KIF6: variants seen among roughly 807,000 people sequenced by gnomAD.
KIF6 encodes kinesin-like protein KIF6.
In KIF6, 106 loss-of-function variants were observed where a neutral mutation model predicts 112.7. The ratio of observed to expected loss-of-function variants is 0.94; its 90% CI spans 0.80 to 1.11. KIF6 has a LOEUF of 1.11. KIF6 is among the 50% of genes least tolerant of loss of function. The pLI, the probability that KIF6 is intolerant of heterozygous loss-of-function variation, is 0.00. For synonymous variants in KIF6, 339 were observed against 339.9 expected, an observed-to-expected ratio of 1.00 and a Z score of 0.03; for missense variants, 929 against 964.0, an observed-to-expected ratio of 0.96 and a Z score of 0.48.
chr6:39,434,942 C>G (rs934279236), intron 13 of KIF6, among the ~76,000 whole-genome samples: 1 of 152,182 alleles, frequency 6.6e-6, no homozygotes, highest in Non-Finnish European at 1.5e-5. Context: ...CTTATATACT[C>G]TATACCAAGG....
intron 13 of KIF6, among the ~76,000 whole-genome samples, chr6:39,446,135 G>A (rs534785859): frequency 6.6e-6 from 1 of 152,172 alleles, no homozygotes; most frequent in African/African-American, 2.4e-5. Context: ...TGCTGGTTTC[G>A]ACTACTAGCT....
intron 3 of KIF6, 67 bp from the exon 4 acceptor site, chr6:39,639,824 T>C (rs1582337833): frequency 1.5e-6 from 2 of 1,374,802 alleles, no homozygotes; most frequent in East Asian, 4.9e-5. Context: ...AAATGGCTTG[T>C]ATTCTAATAA....
intron 6 of KIF6, among the ~76,000 whole-genome samples, chr6:39,612,402 T>A (rs1783264766): frequency 6.6e-6 from 1 of 151,840 alleles, no homozygotes; most frequent in Non-Finnish European, 1.5e-5. Flanking sequence ...ACCACCACCA[T>A]CCCATTCCCT....
At position 39,511,953 on chromosome 6, in the gene KIF6, G is replaced by A. The variant is rs1018502498; in HGVS notation, c.1645+28050C>T. The stretch of plus-strand genomic sequence containing the variant: ...ACACCCAGGCCTGTTGAGGGGTGGG[G>A]GACTGGGGGAGAGATAGCATTAGGA... On this transcript the variant is annotated intron_variant, in intron 13 of 22. Transcript: ENST00000287152. Among the ~76,000 whole-genome samples the A allele has an allele frequency of 2.6e-5, 4 of 152,170 alleles. No homozygotes were observed. The East Asian group carries it at 7.7e-4, about 29-fold the overall frequency.
chr6:39,532,640 A>C (rs540504143), intron 13 of KIF6, among the ~76,000 whole-genome samples: 1 of 152,320 alleles, frequency 6.6e-6, no homozygotes, highest in East Asian at 1.9e-4. Flanking sequence ...TTAAGAGATA[A>C]AGAATTGTAA....
At chr6:39,404,950 T>C (rs1398242793) in intron 15 of KIF6, among the ~76,000 whole-genome samples, 1 of 150,976 alleles carries the variant, frequency 6.6e-6, no homozygotes, top group Admixed American at 6.6e-5. Flanking sequence ...AAATTATATA[T>C]TAGCATTTAA....
chr6:39,479,055 G>C (rs184472857), intron 13 of KIF6, among the ~76,000 whole-genome samples: 2 of 151,976 alleles, frequency 1.3e-5, no homozygotes, highest in Middle Eastern at 3.2e-3. Context: ...TGTGTTGTCC[G>C]TTTACTCTGT....
At chr6:39,418,805 C>T (rs1055936868) in intron 15 of KIF6, among the ~76,000 whole-genome samples, 8 of 152,038 alleles carry the variant, frequency 5.3e-5, no homozygotes, top group Admixed American at 4.6e-4. Flanking sequence ...CTGAGGCTAT[C>T]GTGATTTTTA....
intron 3 of KIF6, among the ~76,000 whole-genome samples, chr6:39,646,698 AT>A (rs1380981164): frequency 6.6e-6 from 1 of 152,228 alleles, no homozygotes; most frequent in African/African-American, 2.4e-5. Flanking sequence ...CTAAGGACAA[AT>A]TTTTTAAGCT....
At chr6:39,606,860 G>C (rs979865987) in intron 6 of KIF6, among the ~76,000 whole-genome samples, 14 of 152,116 alleles carry the variant, frequency 9.2e-5, no homozygotes, top group African/African-American at 3.4e-4. Context: ...AAAGATCATT[G>C]GATTTGCATT....
intron 13 of KIF6, among the ~76,000 whole-genome samples, chr6:39,438,584 A>T (rs1771711257): frequency 6.6e-6 from 1 of 152,244 alleles, no homozygotes; most frequent in Non-Finnish European, 1.5e-5. Context: ...AAAGAAAAAA[A>T]TATTTTTGTA....
intron 3 of KIF6, among the ~76,000 whole-genome samples, chr6:39,662,790 C>T (rs1309748199): frequency 2.0e-5 from 3 of 152,118 alleles, no homozygotes; most frequent in Non-Finnish European, 4.4e-5. Context: ...CTGGCGTACC[C>T]CAATGTCTTC....
At chr6:39,584,417 TAAAAAAAAAAAAAAAAAAAAA>T (rs61215070) in intron 9 of KIF6, among the ~76,000 whole-genome samples, 10,369 of 46,272 alleles carry the variant, frequency 0.22, 1,326 homozygotes, top group East Asian at 0.55. Flanking sequence ...ACTCTGTCTC[TAAAAAAAAAAAAAAAAAAAAA>T]AAAAAAAAAA....
intron 13 of KIF6, among the ~76,000 whole-genome samples, chr6:39,442,202 C>G (rs4609024): frequency 2.7e-3 from 418 of 152,256 alleles, no homozygotes; most frequent in African/African-American, 9.7e-3. Context: ...GCATCTGATT[C>G]ACCCACCTGC....
intron 13 of KIF6, among the ~76,000 whole-genome samples, chr6:39,447,264 A>G (rs565797388): frequency 6.6e-6 from 1 of 152,286 alleles, no homozygotes; most frequent in Admixed American, 6.5e-5. Flanking sequence ...CATGTCTTCC[A>G]GTGGACTCTC....
At chr6:39,542,825 T>C (rs1400677169) in intron 12 of KIF6, among the ~76,000 whole-genome samples, 1 of 152,210 alleles carries the variant, frequency 6.6e-6, no homozygotes, top group Non-Finnish European at 1.5e-5. Flanking sequence ...GCAATGTCAC[T>C]GAGTAGGTAC....
At chr6:39,552,897 A>G (rs1264629125) in intron 10 of KIF6, among the ~76,000 whole-genome samples, 1 of 152,232 alleles carries the variant, frequency 6.6e-6, no homozygotes, top group Non-Finnish European at 1.5e-5. Context: ...ATTCATAATT[A>G]TGATTAACTA....
chr6:39,486,902 T>C lies in KIF6; in HGVS notation c.1645+53101A>G, dbSNP rs9471116. ...AGATATAACCCAGAATGAAAATCTA[T>C]ATCTGCATCAGTAAGTTGAATTATA... On this transcript the variant is annotated intron_variant, in intron 13 of 22. Transcript: ENST00000287152. 1.0e-3 allele frequency among the ~76,000 whole-genome samples: 152 copies of C among 152,346 alleles called. 1 individual carries two copies. The highest frequency in any genetic ancestry group is 3.4e-3 in the African/African-American group (142 of 41,582).
chr6:39,422,365 TCCAG>T (rs1770436726), intron 14 of KIF6, among the ~76,000 whole-genome samples: 3 of 152,138 alleles, frequency 2.0e-5, no homozygotes, highest in Admixed American at 6.5e-5. Flanking sequence ...GCCGCCCTGC[TCCAG>T]AGCTGGCAGA....
Sources: gnomAD v4.1 joint callset for allele counts (sites outside exome capture counted in the v4.1 genomes callset) on GRCh38, gnomAD v4.1.1 for gene constraint, MANE v1.5 for transcripts, NCBI Gene and HGNC (gene_info 2026-07-23, HGNC 2026-07-21) for gene names.